Variants in TUSC3 observed in about 807,000 individuals in gnomAD.
TUSC3 encodes dolichyl-diphosphooligosaccharide--protein glycosyltransferase subunit TUSC3.
A neutral mutation model predicts 44.8 loss-of-function variants in TUSC3; 45 were observed. That is an observed-to-expected ratio of 1.00 (90% CI 0.79 to 1.29). TUSC3 has a LOEUF of 1.29. Ranked by LOEUF, TUSC3 falls within the 50% of genes most tolerant of loss-of-function variation. The probability of loss-of-function intolerance (pLI) is 0.00; values close to 1 mark genes in which losing one functional copy is unlikely to be tolerated. For missense variants in TUSC3, 519 were observed against 437.9 expected (o/e 1.19, Z -1.65); for synonymous variants, 212 against 152.9 (o/e 1.39, Z -2.85).
intron 6 of TUSC3, among the ~76,000 whole-genome samples, chr8:15,688,211 CATAATT>C (rs140505826): frequency 0.16 from 24,052 of 151,886 alleles, 1,927 homozygotes; most frequent in East Asian, 0.21. Context: ...TAAAGATACT[CATAATT>C]ATATACATTC....
At chr8:15,662,068 T>G in intron 4 of TUSC3, 88 bp from the exon 5 acceptor site, 3 of 1,458,682 alleles carry the variant, frequency 2.1e-6, no homozygotes, top group Non-Finnish European at 2.8e-6. Context: ...CTGAGTTCTT[T>G]GCGTTGAAAA....
intron 1 of TUSC3, among the ~76,000 whole-genome samples, chr8:15,439,525 C>G (rs1231694666): frequency 6.6e-6 from 1 of 152,134 alleles, no homozygotes; most frequent in Non-Finnish European, 1.5e-5. Flanking sequence ...CCACTGCCCT[C>G]CAGCCTGGGT....
chr8:15,648,784 C>G (rs904832316), intron 2 of TUSC3, among the ~76,000 whole-genome samples: 1 of 121,074 alleles, frequency 8.3e-6, no homozygotes, highest in Non-Finnish European at 1.7e-5. Flanking sequence ...AAAGCATCAT[C>G]TTGTTATCAC....
intron 6 of TUSC3, among the ~76,000 whole-genome samples, chr8:15,676,891 G>T (rs533445821): frequency 1.3e-5 from 2 of 152,224 alleles, no homozygotes; most frequent in Admixed American, 6.5e-5. Context: ...TCTGCAAAAA[G>T]GAGAAAATTT....
At chr8:15,754,688 G>A (rs1250719232) in intron 9 of TUSC3, among the ~76,000 whole-genome samples, 7 of 151,786 alleles carry the variant, frequency 4.6e-5, no homozygotes, top group African/African-American at 1.2e-4. Context: ...CAGTGTCTTC[G>A]TTTTGCATTT....
chr8:15,659,165 C>G (rs1026720995), intron 3 of TUSC3, among the ~76,000 whole-genome samples: 2 of 152,090 alleles, frequency 1.3e-5, no homozygotes, highest in African/African-American at 4.8e-5. Context: ...TACTGCCAAA[C>G]TGCTATATTT....
intron 6 of TUSC3, among the ~76,000 whole-genome samples, chr8:15,697,316 G>C (rs904608717): frequency 1.3e-5 from 2 of 152,026 alleles, no homozygotes; most frequent in African/African-American, 4.8e-5. Context: ...CCTTTCTTCT[G>C]CTGAGTTTGG....
intron 1 of TUSC3, among the ~76,000 whole-genome samples, chr8:15,542,345 T>A (rs1801720078): frequency 6.6e-6 from 1 of 152,088 alleles, no homozygotes; most frequent in Non-Finnish European, 1.5e-5. Flanking sequence ...AAATGTTTCT[T>A]ATCAGACCTA....
At chr8:15,529,239 T>C (rs1801420147) in intron 2 of TUSC3, among the ~76,000 whole-genome samples, 1 of 152,206 alleles carries the variant, frequency 6.6e-6, no homozygotes, top group African/African-American at 2.4e-5. Flanking sequence ...AGCAATTCCC[T>C]AATACTGTGT....
At chr8:15,702,985 A>G (rs183277680) in intron 6 of TUSC3, among the ~76,000 whole-genome samples, 23 of 152,234 alleles carry the variant, frequency 1.5e-4, no homozygotes, top group South Asian at 6.2e-4. Flanking sequence ...TTAAACAAAC[A>G]AAAAACACCA....
chr8:15,540,231 A>T, upstream of TUSC3: 1 of 733,374 alleles, frequency 1.4e-6, no homozygotes, highest in African/African-American at 1.9e-5. Context: ...GCGCCTTTCC[A>T]GGTCTTCTCC....
At chr8:15,723,627 G>A (rs1042540228) in intron 6 of TUSC3, among the ~76,000 whole-genome samples, 1 of 151,880 alleles carries the variant, frequency 6.6e-6, no homozygotes, top group African/African-American at 2.4e-5. Context: ...AACTAATGCT[G>A]CCTCAAAGAA....
intron 1 of TUSC3, among the ~76,000 whole-genome samples, chr8:15,551,788 G>A (rs1411510060): frequency 1.3e-5 from 2 of 151,696 alleles, no homozygotes; most frequent in Non-Finnish European, 2.9e-5. Flanking sequence ...AAAAAGGAAT[G>A]GGAGGGTACT....
At chr8:15,736,856 C>G (rs6993040) in intron 7 of TUSC3, among the ~76,000 whole-genome samples, 5,009 of 152,166 alleles carry the variant, frequency 0.033, 244 homozygotes, top group African/African-American at 0.11. Flanking sequence ...GATATGGTCT[C>G]TCTGTATGAG....
chr8:15,504,720 T>C (rs1801030315), intron 2 of TUSC3, among the ~76,000 whole-genome samples: 1 of 147,782 alleles, frequency 6.8e-6, no homozygotes, highest in Middle Eastern at 3.4e-3. Context: ...TGGTGCGATC[T>C]TGGCTCACTG....
At chr8:15,846,282 A>C in the TUSC3 span, among the ~76,000 whole-genome samples, 20 of 152,316 alleles carry the variant, frequency 1.3e-4, no homozygotes, top group East Asian at 3.5e-3. Context: ...ACACAAGTTC[A>C]CATGCCTCAG....
At chr8:15,710,533 A>G (rs1432909291) in intron 6 of TUSC3, among the ~76,000 whole-genome samples, 2 of 151,774 alleles carry the variant, frequency 1.3e-5, no homozygotes, top group Non-Finnish European at 2.9e-5. Context: ...TATGGCAGGA[A>G]AACATAGCTG....
At chr8:15,811,218 C>G in the TUSC3 span, among the ~76,000 whole-genome samples, 1 of 152,174 alleles carries the variant, frequency 6.6e-6, no homozygotes, top group African/African-American at 2.4e-5. Context: ...TCCCAAATCT[C>G]AGAGACATAA....
chr8:15,456,115 AT>A (rs751391272), intron 1 of TUSC3, among the ~76,000 whole-genome samples: 15 of 152,286 alleles, frequency 9.8e-5, no homozygotes, highest in Non-Finnish European at 1.6e-4. Flanking sequence ...GCAAGCAGCA[AT>A]CATTGCCTAG....
Sources: gnomAD v4.1 joint callset for allele counts (sites outside exome capture counted in the v4.1 genomes callset) on GRCh38, gnomAD v4.1.1 for gene constraint, MANE v1.5 for transcripts, NCBI Gene and HGNC (gene_info 2026-07-23, HGNC 2026-07-21) for gene names.